ERBB2: variants seen among roughly 807,000 people sequenced by gnomAD.
The protein encoded by ERBB2 is receptor tyrosine-protein kinase erbB-2.
ERBB2 carries 61 observed loss-of-function variants against 149.0 expected under a neutral mutation model. The ratio of observed to expected loss-of-function variants is 0.41; its 90% CI spans 0.33 to 0.51. ERBB2 has a LOEUF of 0.51. Ranked by LOEUF, ERBB2 falls within the 20% of genes least tolerant of loss-of-function variation. The probability of loss-of-function intolerance (pLI) is 0.25; values close to 1 mark genes in which losing one functional copy is unlikely to be tolerated. For missense variants in ERBB2, 1,205 were observed against 1,655.1 expected (o/e 0.73, Z 4.72); for synonymous variants, 633 against 678.8 (o/e 0.93, Z 1.05).
rs2059902628 is a variant in ERBB2 at position 39,728,603 on chromosome 17, T to G, written c.*559T>G. The G allele has an allele frequency of 4.3e-6, 1 of 233,312 alleles. No homozygotes were observed. Among genetic ancestry groups the G allele is most frequent in the African/African-American group, 2.2e-5 (1 of 45,302 alleles). 14.5% of individuals were successfully genotyped at this position (233,312 alleles called of 1,614,324 possible). On this transcript the variant is annotated 3_prime_UTR_variant, in exon 27 of 27. Coordinates refer to ENST00000269571, the MANE Select transcript of ERBB2 (RefSeq NM_004448.4). ...TGGGTGTTGTATGGGGAGGCAAGTG[T>G]GGGGGGTCCTTCTCCACACCCACTT...
At chr17:39,719,325 C>T (rs897771490) in intron 15 of ERBB2, among the ~76,000 whole-genome samples, 9 of 151,798 alleles carry the variant, frequency 5.9e-5, no homozygotes, top group African/African-American at 1.9e-4. Context: ...ATCCAGATCA[C>T]GGTGTTAGAA....
At position 39,712,376 on chromosome 17, in the gene ERBB2, C is replaced by T. The variant is rs2145577202; in HGVS notation, c.1076C>T (p.Ala359Val). 1 of 1,614,040 alleles carries T rather than the reference C, an allele frequency of 6.2e-7. No individual in the cohort carries two copies. The highest frequency in any genetic ancestry group is 8.5e-7 in the Non-Finnish European group (1 of 1,179,988). Reference sequence around the variant, plus strand: ...CGAGAGGTGAGGGCAGTTACCAGTGCCAATATCCAGGAGTTTGCTGGCTGC... The same window carrying T: ...CGAGAGGTGAGGGCAGTTACCAGTGTCAATATCCAGGAGTTTGCTGGCTGC... Reference protein sequence around the residue: ...HLREVRAVTSANIQEFAGCKK... With the variant: ...HLREVRAVTSVNIQEFAGCKK... The change falls in exon 9 of 27, where the codon GCC (alanine) becomes GTC (valine). Residue 359 changes from alanine to valine, a missense_variant. This residue lies in a region of ERBB2 where 569 missense variants were observed against 803.5 expected (regional missense o/e 0.71). Transcript: ENST00000269571.
rs557172740 is a variant in ERBB2, at chr17:39,724,887, G to A, written c.2469G>A (p.Leu823=). The A allele has an allele frequency of 1.2e-6, 2 of 1,614,220 alleles. No homozygotes were observed. The highest frequency in any genetic ancestry group is 1.1e-5 in the South Asian group (1 of 91,088). The stretch of plus-strand genomic sequence containing the variant: ...GACGCCTGGGCTCCCAGGACCTGCT[G>A]AACTGGTGTATGCAGATTGCCAAGG... The part of the protein sequence containing the change: ...NRGRLGSQDL[L]NWCMQIAKGM... Residue 823 remains leucine (L), a synonymous_variant, in exon 20 of 27, where the codon CTG becomes CTA. Coordinates refer to ENST00000269571, the MANE Select transcript of ERBB2 (RefSeq NM_004448.4).
At chr17:39,718,595 C>G (rs150554163) in intron 15 of ERBB2, among the ~76,000 whole-genome samples, 1 of 152,032 alleles carries the variant, frequency 6.6e-6, no homozygotes, top group Admixed American at 6.6e-5. Context: ...ATCAGGAGTT[C>G]GAGACCAATC....
At chr17:39,716,875 G>T (rs990181219) in intron 14 of ERBB2, 1 of 514,582 alleles carries the variant, frequency 1.9e-6, no homozygotes. Context: ...GTGGGCTCAG[G>T]CGTCAGACTA....
At chr17:39,694,337 A>G (rs1347060196), upstream of ERBB2, among the ~76,000 whole-genome samples, 3 of 139,028 alleles carry the variant, frequency 2.2e-5, no homozygotes, top group African/African-American at 8.0e-5. Flanking sequence ...ATATATGTGT[A>G]TATATAAAAT....
intron 7 of ERBB2, 50 bp downstream of exon 7, chr17:39,710,531 T>C (rs2145528890): frequency 6.2e-7 from 1 of 1,606,050 alleles, no homozygotes; most frequent in Non-Finnish European, 8.5e-7. Flanking sequence ...GGGAGGTTTG[T>C]TTCTGTAAAT....
intron 1 of ERBB2, among the ~76,000 whole-genome samples, chr17:39,701,491 C>A (rs1252059966): frequency 2.0e-5 from 3 of 152,060 alleles, no homozygotes; most frequent in Admixed American, 1.3e-4. Context: ...GCAGGGGAGA[C>A]AAAATGAAAG....
chr17:39,720,686 T>C (rs1259917551), intron 16 of ERBB2, among the ~76,000 whole-genome samples: 1 of 152,172 alleles, frequency 6.6e-6, no homozygotes, highest in Non-Finnish European at 1.5e-5. Context: ...AGTCTCACTC[T>C]GCCTGCAGGC....
intron 2 of ERBB2, among the ~76,000 whole-genome samples, chr17:39,689,135 A>G (rs2057635115): frequency 6.6e-6 from 1 of 152,150 alleles, no homozygotes; most frequent in South Asian, 2.1e-4. Context: ...ATGAGTAAGA[A>G]GTAGCCTGGG....
intron 1 of ERBB2, among the ~76,000 whole-genome samples, chr17:39,704,498 G>A (rs577005617): frequency 2.3e-4 from 35 of 152,206 alleles, no homozygotes; most frequent in Admixed American, 1.1e-3. Flanking sequence ...GCTTGAACCC[G>A]GGAGGCAGAG....
intron 4 of ERBB2, 110 bp from the exon 5 acceptor site, chr17:39,709,702 TG>T: frequency 9.0e-7 from 1 of 1,109,476 alleles, no homozygotes; most frequent in South Asian, 1.3e-5. Flanking sequence ...CCTCCCTTGC[TG>T]TGCAGTTGGC....
At chr17:39,720,393 GTCTGAC>G (rs1273998851) in intron 16 of ERBB2, 1 of 155,912 alleles carries the variant, frequency 6.4e-6, no homozygotes, top group Non-Finnish European at 1.4e-5. Context: ...TCAGGGTGGG[GTCTGAC>G]CTGGATGCCA....
At chr17:39,721,327 A>C (rs1475619997) in intron 16 of ERBB2, among the ~76,000 whole-genome samples, 1 of 142,626 alleles carries the variant, frequency 7.0e-6, no homozygotes, top group African/African-American at 2.6e-5. Context: ...GTGCAATGAC[A>C]CGATCTTGGC....
chr17:39,689,887 CAA>C (rs1239087601), intron 2 of ERBB2, among the ~76,000 whole-genome samples: 2 of 118,004 alleles, frequency 1.7e-5, no homozygotes, highest in East Asian at 2.4e-4. Context: ...GCCTGGGCAA[CAA>C]GAGCGAAACT....
chr17:39,697,354 G>GTTTTTT (rs60262818), upstream of ERBB2, among the ~76,000 whole-genome samples: 22 of 122,104 alleles, frequency 1.8e-4, no homozygotes, highest in African/African-American at 3.0e-4. Context: ...TTTTTGTTTT[G>GTTTTTT]TTTTTTTTTT....
chr17:39,710,045 C>T (rs2145498665), intron 5 of ERBB2, 41 bp from the exon 6 acceptor site: 1 of 1,554,632 alleles, frequency 6.4e-7, no homozygotes, highest in Admixed American at 1.7e-5. Context: ...GTCTGGTGCC[C>T]AGGGCGCCAC....
At chr17:39,695,074 T>A (rs2057829502), upstream of ERBB2, 1 of 152,536 alleles carries the variant, frequency 6.6e-6, no homozygotes. Flanking sequence ...ACCAGTAGAA[T>A]GGCCAGGACA....
At chr17:39,702,573 C>T (rs1345842509) in intron 1 of ERBB2, among the ~76,000 whole-genome samples, 2 of 151,872 alleles carry the variant, frequency 1.3e-5, no homozygotes, top group African/African-American at 2.4e-5. Flanking sequence ...TTTTATTTGT[C>T]AAGAAAAAAA....
Sources: allele counts gnomAD v4.1 joint callset (sites outside exome capture counted in the v4.1 genomes callset), GRCh38; gene constraint gnomAD v4.1.1; regional missense constraint gnomAD v4.1.1; transcripts MANE v1.5; gene names NCBI Gene and HGNC (gene_info 2026-07-23, HGNC 2026-07-21).